PHACTR1: variants seen among roughly 807,000 people sequenced by gnomAD.
PHACTR1 encodes RPEL repeat containing 1.
A neutral mutation model predicts 69.2 loss-of-function variants in PHACTR1; 16 were observed. The ratio of observed to expected loss-of-function variants is 0.23; its 90% CI spans 0.16 to 0.35. The LOEUF (loss-of-function observed/expected upper bound fraction) is 0.35. PHACTR1 is among the 10% of genes least tolerant of loss of function. PHACTR1 has a pLI of 1.00. For missense variants in PHACTR1, 510 were observed against 734.7 expected (o/e 0.69, Z 3.54); for synonymous variants, 312 against 284.5 (o/e 1.10, Z -0.97).
chr6:12,926,887 TGG>T (rs1159755616), intron 4 of PHACTR1, among the ~76,000 whole-genome samples: 2 of 150,706 alleles, frequency 1.3e-5, no homozygotes, highest in Admixed American at 6.6e-5. Context: ...TGGTCCTGCC[TGG>T]CCTCATCTTT....
At chr6:12,726,502 C>A (rs140733781) in intron 3 of PHACTR1, among the ~76,000 whole-genome samples, 1 of 152,192 alleles carries the variant, frequency 6.6e-6, no homozygotes, top group African/African-American at 2.4e-5. Flanking sequence ...ATCCCACTCA[C>A]GCTTCTAACC....
chr6:13,008,252 T>C (rs1417748213), intron 4 of PHACTR1, among the ~76,000 whole-genome samples: 4 of 152,218 alleles, frequency 2.6e-5, no homozygotes, highest in African/African-American at 9.7e-5. Context: ...AAAGCCTCAC[T>C]TGCGGGGCAA....
chr6:13,121,845 C>T, intron 5 of PHACTR1, among the ~76,000 whole-genome samples: 1 of 152,148 alleles, frequency 6.6e-6, no homozygotes. Context: ...ATGAGCAAGG[C>T]TTCACAGTGA....
intron 5 of PHACTR1, among the ~76,000 whole-genome samples, chr6:13,141,022 A>C (rs546301424): frequency 2.8e-4 from 42 of 152,236 alleles, no homozygotes; most frequent in Admixed American, 9.8e-4. Context: ...TATTGTGTAG[A>C]ATATAACCTC....
At chr6:13,041,333 AATAC>A (rs199629142) in intron 4 of PHACTR1, among the ~76,000 whole-genome samples, 7 of 68,956 alleles carry the variant, frequency 1.0e-4, no homozygotes, top group Non-Finnish European at 9.8e-5. Context: ...TGGTAATTAA[AATAC>A]ATACACACAC....
intron 6 of PHACTR1, among the ~76,000 whole-genome samples, chr6:13,177,421 A>G (rs1205732450): frequency 9.1e-6 from 1 of 109,826 alleles, no homozygotes; most frequent in Non-Finnish European, 1.8e-5. Flanking sequence ...GCACACACAT[A>G]TATGTATGTA....
intron 4 of PHACTR1, among the ~76,000 whole-genome samples, chr6:12,999,488 T>C (rs1204278180): frequency 2.0e-5 from 3 of 152,106 alleles, no homozygotes; most frequent in African/African-American, 7.2e-5. Flanking sequence ...TAATTCCAGC[T>C]ACTCAGGAGG....
At chr6:13,139,474 A>G (rs111309390) in intron 5 of PHACTR1, among the ~76,000 whole-genome samples, 1,876 of 152,240 alleles carry the variant, frequency 0.012, 33 homozygotes, top group African/African-American at 0.04. Context: ...TTTTCTGTCT[A>G]TTGGAATCTG....
At chr6:12,847,796 A>G (rs1345794986) in intron 4 of PHACTR1, among the ~76,000 whole-genome samples, 1 of 152,196 alleles carries the variant, frequency 6.6e-6, no homozygotes, top group Non-Finnish European at 1.5e-5. Context: ...AACAGCTAAT[A>G]TATCTTGAGA....
At chr6:12,816,939 G>T (rs1429110233) in intron 4 of PHACTR1, among the ~76,000 whole-genome samples, 2 of 152,168 alleles carry the variant, frequency 1.3e-5, no homozygotes, top group Non-Finnish European at 2.9e-5. Flanking sequence ...CAACCGGGAA[G>T]GACACTCGTA....
At chr6:13,200,965 A>C (rs1765154729) in intron 7 of PHACTR1, among the ~76,000 whole-genome samples, 1 of 151,900 alleles carries the variant, frequency 6.6e-6, no homozygotes, top group South Asian at 2.1e-4. Flanking sequence ...AAAAGAAAAA[A>C]ATTAAAAAAA....
chr6:12,878,411 T>C (rs956511756), intron 4 of PHACTR1, among the ~76,000 whole-genome samples: 1 of 152,246 alleles, frequency 6.6e-6, no homozygotes, highest in Non-Finnish European at 1.5e-5. Flanking sequence ...TCAACTCCTG[T>C]ACTTTAACGG....
rs570680636 is a variant in PHACTR1, at chr6:13,120,946, T to G, written c.416-39258T>G. Among the ~76,000 whole-genome samples, 23 of 152,240 alleles carry G rather than the reference T, an allele frequency of 1.5e-4. No individual in the cohort carries two copies. The South Asian group carries it at 3.7e-3, about 25-fold the overall frequency. ...TGGGAGCTCTGTGCCAACCCCCAGA[T>G]GACAAAGAACAAGCCTGGCACCCTA... On this transcript the variant is annotated intron_variant, in intron 5 of 14. Transcript: ENST00000332995.
chr6:12,844,173 C>T (rs9381436), intron 4 of PHACTR1, among the ~76,000 whole-genome samples: 28,712 of 152,068 alleles, frequency 0.19, 2,919 homozygotes, highest in African/African-American at 0.26. Flanking sequence ...GGCAGGATAA[C>T]CACTTGAGGC....
At chr6:13,174,545 C>T (rs1307394359) in intron 6 of PHACTR1, among the ~76,000 whole-genome samples, 1 of 152,186 alleles carries the variant, frequency 6.6e-6, no homozygotes, top group African/African-American at 2.4e-5. Context: ...ATAAATGTAG[C>T]CATGGTTTCA....
intron 4 of PHACTR1, among the ~76,000 whole-genome samples, chr6:13,032,541 C>T (rs1222804345): frequency 1.3e-5 from 2 of 152,094 alleles, no homozygotes; most frequent in Non-Finnish European, 2.9e-5. Context: ...TACAGGATAT[C>T]CCTGTGCCTT....
intron 4 of PHACTR1, among the ~76,000 whole-genome samples, chr6:12,948,368 G>C (rs1312194248): frequency 6.6e-6 from 1 of 152,100 alleles, no homozygotes; most frequent in Non-Finnish European, 1.5e-5. Context: ...TAAAGAAAGA[G>C]GTATATCCCA....
At chr6:13,101,469 C>T (rs763483625) in intron 5 of PHACTR1, among the ~76,000 whole-genome samples, 5 of 152,172 alleles carry the variant, frequency 3.3e-5, no homozygotes, top group Admixed American at 2.0e-4. Context: ...CTGACCACAC[C>T]GAGTACACCT....
intron 5 of PHACTR1, among the ~76,000 whole-genome samples, chr6:13,067,924 G>A (rs1561781840): frequency 6.6e-6 from 1 of 152,164 alleles, no homozygotes; most frequent in Non-Finnish European, 1.5e-5. Context: ...TAGACTAGTG[G>A]TTAGGGGTCA....
Sources: gnomAD v4.1 joint callset for allele counts (sites outside exome capture counted in the v4.1 genomes callset) on GRCh38, gnomAD v4.1.1 for gene constraint, MANE v1.5 for transcripts, NCBI Gene and HGNC (gene_info 2026-07-23, HGNC 2026-07-21) for gene names.